FOCAD: variants seen among roughly 807,000 people sequenced by gnomAD.
FOCAD encodes the protein focadhesin, also known as KIAA1797.
FOCAD carries 198 observed loss-of-function variants against 225.6 expected under a neutral mutation model. That is an observed-to-expected ratio of 0.88 (90% CI 0.78 to 0.99). The LOEUF (loss-of-function observed/expected upper bound fraction) is 0.99. Ranked by LOEUF, FOCAD falls within the 50% of genes least tolerant of loss-of-function variation. The probability of loss-of-function intolerance (pLI) is 0.00; values close to 1 mark genes in which losing one functional copy is unlikely to be tolerated. For synonymous variants in FOCAD, 897 were observed against 755.0 expected (o/e 1.19, Z -3.08); for missense variants, 2,713 against 2,123.6 (o/e 1.28, Z -5.46).
Position 20,995,579 on chromosome 9 carries a change from C to G in FOCAD, c.5356C>G (p.Leu1786Val), listed in dbSNP as rs1203257715. The G allele has an allele frequency of 6.2e-7, 1 of 1,612,732 alleles. No individual in the cohort carries two copies. The highest frequency in any genetic ancestry group is 1.7e-5 in the Admixed American group (1 of 59,968). The change falls in exon 44 of 44, where the codon CTC becomes GTC. Residue 1786 changes from leucine to valine, a missense_variant. Transcript: ENST00000338382. ...LKATLLSLRV[L>V]PEFKKKAVWT... The stretch of plus-strand genomic sequence containing the variant: ...AGCCACCCTGCTGTCCTTGAGAGTT[C>G]TCCCAGAGTTTAAGAAGAAAGCTGT...
chr9:20,935,970 A>T (rs564709174), intron 28 of FOCAD, among the ~76,000 whole-genome samples: 3 of 152,368 alleles, frequency 2.0e-5, no homozygotes, highest in Middle Eastern at 3.4e-3. Flanking sequence ...ATGAAAAATA[A>T]TCAAAAAAAG....
At chr9:20,909,254 T>G (rs1564138879) in intron 22 of FOCAD, among the ~76,000 whole-genome samples, 1 of 152,082 alleles carries the variant, frequency 6.6e-6, no homozygotes, top group Non-Finnish European at 1.5e-5. Flanking sequence ...TTGAAGTAGA[T>G]GTTATTAACC....
At chr9:20,962,096 T>A (rs1351684846) in intron 35 of FOCAD, among the ~76,000 whole-genome samples, 2 of 152,166 alleles carry the variant, frequency 1.3e-5, no homozygotes, top group African/African-American at 4.8e-5. Context: ...GTACTCATCC[T>A]TTTCATCTTG....
intron 9 of FOCAD, among the ~76,000 whole-genome samples, chr9:20,779,292 C>T (rs936723174): frequency 6.6e-6 from 1 of 152,286 alleles, no homozygotes; most frequent in Middle Eastern, 3.4e-3. Flanking sequence ...AGCTAGTTGC[C>T]CTATCGGGCA....
At chr9:20,747,841 T>A (rs1318012388) in intron 5 of FOCAD, among the ~76,000 whole-genome samples, 2 of 151,864 alleles carry the variant, frequency 1.3e-5, no homozygotes, top group East Asian at 3.9e-4. Flanking sequence ...TTTTTGCCTT[T>A]TATATATATT....
chr9:20,766,949 A>G (rs1172332484), intron 7 of FOCAD, among the ~76,000 whole-genome samples: 1 of 152,042 alleles, frequency 6.6e-6, no homozygotes, highest in Non-Finnish European at 1.5e-5. Flanking sequence ...AGCATTAGGT[A>G]TATCTCCCAA....
At chr9:20,689,197 T>G (rs1822834449) in intron 1 of FOCAD, among the ~76,000 whole-genome samples, 1 of 152,140 alleles carries the variant, frequency 6.6e-6, no homozygotes, top group Non-Finnish European at 1.5e-5. Flanking sequence ...TATTGGAATT[T>G]AAGATTTTTA....
chr9:20,753,457 T>C (rs1243676276), intron 5 of FOCAD, among the ~76,000 whole-genome samples: 2 of 152,026 alleles, frequency 1.3e-5, no homozygotes, highest in African/African-American at 2.4e-5. Flanking sequence ...TATGCTGGAT[T>C]ACATTTATTG....
At chr9:20,807,385 A>G (rs1016548404) in intron 11 of FOCAD, among the ~76,000 whole-genome samples, 3 of 152,228 alleles carry the variant, frequency 2.0e-5, no homozygotes, top group Admixed American at 6.5e-5. Context: ...GAGACAGAGA[A>G]TAGTGCTGTT....
intron 31 of FOCAD, 134 bp downstream of exon 31, chr9:20,948,527 C>G (rs1837399236): frequency 2.1e-6 from 2 of 972,544 alleles, no homozygotes; most frequent in African/African-American, 1.7e-5. Flanking sequence ...TGAAAGAGAT[C>G]ACATACTTTT....
intron 15 of FOCAD, among the ~76,000 whole-genome samples, chr9:20,855,687 G>A (rs971614161): frequency 1.3e-5 from 2 of 151,202 alleles, no homozygotes; most frequent in South Asian, 4.2e-4. Context: ...TCAAATGCTA[G>A]CCCTTATTCT....
chr9:20,779,649 C>G (rs1316861224), intron 9 of FOCAD, among the ~76,000 whole-genome samples: 1 of 151,870 alleles, frequency 6.6e-6, no homozygotes, highest in Admixed American at 6.6e-5. Context: ...ACTTGGTTGG[C>G]TGAGGCAGGA....
chr9:20,940,846 T>G (rs1198209965), intron 28 of FOCAD, among the ~76,000 whole-genome samples: 1 of 152,180 alleles, frequency 6.6e-6, no homozygotes, highest in Non-Finnish European at 1.5e-5. Flanking sequence ...CCATTTTTCT[T>G]TCTTACATAA....
chr9:20,845,442 G>GAGATATAT (rs368497237), intron 15 of FOCAD, among the ~76,000 whole-genome samples: 13 of 121,232 alleles, frequency 1.1e-4, no homozygotes, highest in Admixed American at 1.1e-3. Flanking sequence ...TCTTTTCCTC[G>GAGATATAT]ATATATATAT....
intron 35 of FOCAD, among the ~76,000 whole-genome samples, chr9:20,956,020 T>G (rs1838104943): frequency 6.6e-6 from 1 of 152,332 alleles, no homozygotes; most frequent in East Asian, 1.9e-4. Context: ...GTAAGAAGTA[T>G]TAACTAAGCA....
chr9:20,820,958 A>T lies in FOCAD; in HGVS notation c.1680A>T (p.Glu560Asp). 1 of 1,612,428 alleles carries T rather than the reference A, an allele frequency of 6.2e-7. No homozygotes were observed. The change falls in exon 14 of 44, where the codon GAA becomes GAT. Residue 560 changes from glutamate (E) to aspartate (D), a missense_variant. Coordinates refer to ENST00000338382, the MANE Select transcript of FOCAD (RefSeq NM_001375567.1). ...LWEKQDRVYP[E>D]LQRFMAVSDV... ...CTTCGTAGGACCGAGTCTATCCTGAACTGCAGCGTTTCATGGCTGTGTCTG... is the reference window on the plus strand; with the variant it reads ...CTTCGTAGGACCGAGTCTATCCTGATCTGCAGCGTTTCATGGCTGTGTCTG...
chr9:20,834,621 A>G (rs926819764), intron 15 of FOCAD, among the ~76,000 whole-genome samples: 1 of 152,096 alleles, frequency 6.6e-6, no homozygotes, highest in African/African-American at 2.4e-5. Context: ...AAGAAGCCAC[A>G]TACCACGCGA....
intron 26 of FOCAD, 31 bp from the exon 27 acceptor site, chr9:20,929,327 A>C: frequency 6.4e-7 from 1 of 1,571,010 alleles, no homozygotes; most frequent in Non-Finnish European, 8.8e-7. Flanking sequence ...GTTTAAGGCT[A>C]ACCCTGTTTT....
At chr9:20,701,673 C>T (rs949900174) in intron 1 of FOCAD, among the ~76,000 whole-genome samples, 1 of 152,190 alleles carries the variant, frequency 6.6e-6, no homozygotes, top group Non-Finnish European at 1.5e-5. Context: ...AACCAAAGAA[C>T]ATATACAGAT....
Sources: allele counts gnomAD v4.1 joint callset (sites outside exome capture counted in the v4.1 genomes callset), GRCh38; gene constraint gnomAD v4.1.1; transcripts MANE v1.5; gene names NCBI Gene and HGNC (gene_info 2026-07-23, HGNC 2026-07-21).